Variants in IGF1R observed in about 807,000 individuals in gnomAD.
IGF1R encodes insulin-like growth factor 1 receptor.
A neutral mutation model predicts 144.6 loss-of-function variants in IGF1R; 44 were observed. The ratio of observed to expected loss-of-function variants is 0.30; its 90% CI spans 0.24 to 0.39. The LOEUF is 0.39. Among genes scored for constraint, IGF1R ranks in the 10% least tolerant of loss-of-function variants. The probability of loss-of-function intolerance (pLI) is 1.00; values close to 1 mark genes in which losing one functional copy is unlikely to be tolerated. For synonymous variants in IGF1R, 795 were observed against 722.8 expected, an observed-to-expected ratio of 1.10 and a Z score of -1.60; for missense variants, 1,355 against 1,833.7, an observed-to-expected ratio of 0.74 and a Z score of 4.77.
chr15:98,719,461 A>C (rs2054196507), intron 2 of IGF1R, among the ~76,000 whole-genome samples: 1 of 152,090 alleles, frequency 6.6e-6, no homozygotes, highest in African/African-American at 2.4e-5. Context: ...TTGTTTGCTG[A>C]GGGGGGAAAA....
intron 2 of IGF1R, among the ~76,000 whole-genome samples, chr15:98,870,017 G>T (rs758301846): frequency 7.9e-5 from 12 of 152,218 alleles, no homozygotes; most frequent in Non-Finnish European, 1.5e-4. Flanking sequence ...GAAAAAACAG[G>T]ATTCCTGCCC....
chr15:98,668,431 C>A (rs770865960), intron 1 of IGF1R, among the ~76,000 whole-genome samples: 1 of 152,210 alleles, frequency 6.6e-6, no homozygotes, highest in Non-Finnish European at 1.5e-5. Flanking sequence ...TTAAAATTTA[C>A]ATGGAATCCA....
rs763460222 is a variant in IGF1R, at chr15:98,908,946, C to T, written c.1462+47C>T. ...ACCGTGGGCCCAACCATCATGATAA[C>T]AGCAGACCCTCCTCCCATGTGTGAT... is the stretch of plus-strand genomic sequence containing the variant. On this transcript the variant is annotated intron_variant, in intron 6 of 20. Coordinates refer to ENST00000650285, the MANE Select transcript of IGF1R (RefSeq NM_000875.5). 1.6e-5 allele frequency: 24 copies of T among 1,523,888 alleles called. 1 individual carries two copies. In the East Asian group the frequency reaches 5.3e-4, roughly 33 times the overall value. 94.4% of individuals were successfully genotyped at this position (1,523,888 alleles called of 1,614,324 possible).
rs1311687060 is a variant in IGF1R, at chr15:98,963,518, AGCAGT to A, written c.*6080_*6084del. The A allele has an allele frequency of 4.3e-6, 1 of 233,222 alleles. No homozygotes were observed. Among genetic ancestry groups the A allele is most frequent in the Non-Finnish European group, 8.5e-6 (1 of 118,070 alleles). 14.4% of individuals were successfully genotyped at this position (233,222 alleles called of 1,614,324 possible). On this transcript the variant is annotated 3_prime_UTR_variant, in exon 21 of 21. Transcript: ENST00000650285. ...GGAAACAGCCGAGGTGTTGGAGCCCAGCAGTGCATGGCACCGTTCGGCATCTGGCT... is the reference window on the plus strand; with the variant it reads ...GGAAACAGCCGAGGTGTTGGAGCCCAGCATGGCACCGTTCGGCATCTGGCT...
intron 1 of IGF1R, among the ~76,000 whole-genome samples, chr15:98,663,772 T>C (rs1411189116): frequency 6.6e-6 from 1 of 152,174 alleles, no homozygotes; most frequent in East Asian, 1.9e-4. Flanking sequence ...TGGCCCCCGC[T>C]ACCCTGAAGA....
chr15:98,759,256 C>T (rs1741739438), intron 2 of IGF1R, among the ~76,000 whole-genome samples: 1 of 152,178 alleles, frequency 6.6e-6, no homozygotes, highest in South Asian at 2.1e-4. Context: ...ATCTGTATCT[C>T]AGTGCAGGTG....
rs79862306 is a variant in IGF1R at position 98,959,654 on chromosome 15, G to A, written c.*2212G>A. On this transcript the variant is annotated 3_prime_UTR_variant, in exon 21 of 21. Coordinates refer to ENST00000650285, the MANE Select transcript of IGF1R (RefSeq NM_000875.5). ...GGGGTCTTGTCTTGTTTCATTTTTA[G>A]CACTTCTCACCAGAGAGATGACAGC... The A allele has an allele frequency of 0.015, 3,561 of 233,666 alleles. 37 individuals are homozygous for A. Among genetic ancestry groups the A allele is most frequent in the Non-Finnish European group, 0.024 (2,800 of 117,990 alleles). 14.5% of individuals were successfully genotyped at this position (233,666 alleles called of 1,614,324 possible).
At chr15:98,716,490 A>G (rs1285219043) in intron 2 of IGF1R, among the ~76,000 whole-genome samples, 2 of 152,240 alleles carry the variant, frequency 1.3e-5, no homozygotes, top group African/African-American at 4.8e-5. Flanking sequence ...GTAGAAACCC[A>G]AAATCTAGAC....
chr15:98,919,295 C>T (rs1046202562), intron 10 of IGF1R, among the ~76,000 whole-genome samples: 1 of 152,182 alleles, frequency 6.6e-6, no homozygotes, highest in East Asian at 1.9e-4. Context: ...CTGCTGCCCG[C>T]CACACGGAAG....
intron 2 of IGF1R, among the ~76,000 whole-genome samples, chr15:98,788,549 G>T (rs1439089895): frequency 6.6e-6 from 1 of 152,206 alleles, no homozygotes; most frequent in South Asian, 2.1e-4. Flanking sequence ...CATTTGTTTG[G>T]TAGAAGCTTC....
chr15:98,683,029 T>C (rs1321740261), intron 1 of IGF1R, among the ~76,000 whole-genome samples: 2 of 150,938 alleles, frequency 1.3e-5, no homozygotes, highest in African/African-American at 4.9e-5. Context: ...TGTGCACTGC[T>C]AGATATTCTG....
In IGF1R at chr15:98,664,017, C is replaced by T. The variant is rs77396450; in HGVS notation, c.94+14342C>T. Among the ~76,000 whole-genome samples, 1,373 of 152,318 alleles carry T rather than the reference C, an allele frequency of 9.0e-3. 25 individuals are homozygous for T. Among genetic ancestry groups the T allele is most frequent in the African/African-American group, 0.031 (1,286 of 41,566 alleles). On this transcript the variant is annotated intron_variant, in intron 1 of 20. Coordinates refer to ENST00000650285, the MANE Select transcript of IGF1R (RefSeq NM_000875.5). ...ACTCTCTGGGTGCTGCCTGTTCTGC[C>T]ACTGTAACTGTTTTCACTTGACAAA... is the stretch of plus-strand genomic sequence containing the variant.
chr15:98,947,688 C>G (rs1050077002), intron 19 of IGF1R, among the ~76,000 whole-genome samples: 4 of 152,226 alleles, frequency 2.6e-5, no homozygotes, highest in Non-Finnish European at 5.9e-5. Context: ...GTTTGATCTT[C>G]TAAACTGGCA....
chr15:98,848,680 T>TAGGATCTC (rs2011428024), intron 2 of IGF1R, among the ~76,000 whole-genome samples: 1 of 152,238 alleles, frequency 6.6e-6, no homozygotes, highest in African/African-American at 2.4e-5. Context: ...GATTCTTGAT[T>TAGGATCTC]AGGATCTCAA....
intron 3 of IGF1R, among the ~76,000 whole-genome samples, chr15:98,895,299 A>G (rs1401970661): frequency 1.3e-5 from 2 of 151,932 alleles, no homozygotes; most frequent in African/African-American, 4.8e-5. Context: ...TACTTATATC[A>G]TGTAAGATGT....
chr15:98,752,523 CA>C (rs1221788994), intron 2 of IGF1R, among the ~76,000 whole-genome samples: 3 of 150,874 alleles, frequency 2.0e-5, no homozygotes, highest in South Asian at 2.1e-4. Flanking sequence ...ACTAAAAATA[CA>C]AAAAAAAAGT....
At chr15:98,738,777 C>G (rs868345112) in intron 2 of IGF1R, among the ~76,000 whole-genome samples, 2 of 152,158 alleles carry the variant, frequency 1.3e-5, no homozygotes, top group Non-Finnish European at 1.5e-5. Flanking sequence ...TCACAGTTTG[C>G]CGGTCATTTC....
At chr15:98,821,289 C>G (rs1261684995) in intron 2 of IGF1R, among the ~76,000 whole-genome samples, 1 of 151,932 alleles carries the variant, frequency 6.6e-6, no homozygotes, top group East Asian at 1.9e-4. Flanking sequence ...CGCCTCCCCC[C>G]CCCCTTTTTA....
chr15:98,775,799 C>G (rs186735241), intron 2 of IGF1R, among the ~76,000 whole-genome samples: 6 of 152,192 alleles, frequency 3.9e-5, no homozygotes, highest in East Asian at 1.9e-4. Flanking sequence ...CAGCAGGTCT[C>G]GGGCTGGTTG....
Sources: allele counts gnomAD v4.1 joint callset (sites outside exome capture counted in the v4.1 genomes callset), GRCh38; gene constraint gnomAD v4.1.1; transcripts MANE v1.5; gene names NCBI Gene and HGNC (gene_info 2026-07-23, HGNC 2026-07-21).